GRIA1: variants seen among roughly 807,000 people sequenced by gnomAD.
GRIA1 encodes glutamate receptor 1.
In GRIA1, 31 loss-of-function variants were observed where a neutral mutation model predicts 99.2. That is an observed-to-expected ratio of 0.31 (90% confidence interval 0.23 to 0.42). GRIA1 has a LOEUF of 0.42. GRIA1 is among the 10% of genes least tolerant of loss of function. The probability of loss-of-function intolerance (pLI) is 1.00; values close to 1 mark genes in which losing one functional copy is unlikely to be tolerated. For synonymous variants in GRIA1, 438 were observed against 432.4 expected, an observed-to-expected ratio of 1.01 and a Z score of -0.16; for missense variants, 782 against 1,157.5, an observed-to-expected ratio of 0.68 and a Z score of 4.71.
chr5:153,675,020 C>T (rs1348054795), intron 6 of GRIA1, among the ~76,000 whole-genome samples: 1 of 152,148 alleles, frequency 6.6e-6, no homozygotes, highest in South Asian at 2.1e-4. Flanking sequence ...GCTTAAACTA[C>T]AGCCATTGCC....
At chr5:153,672,981 A>AT (rs1029279814) in intron 5 of GRIA1, among the ~76,000 whole-genome samples, 2 of 151,922 alleles carry the variant, frequency 1.3e-5, no homozygotes, top group African/African-American at 2.4e-5. Context: ...TGTGCATTCC[A>AT]TTTTTTTTCT....
intron 2 of GRIA1, among the ~76,000 whole-genome samples, chr5:153,523,363 C>T (rs1202678702): frequency 6.6e-6 from 1 of 152,060 alleles, no homozygotes; most frequent in Non-Finnish European, 1.5e-5. Flanking sequence ...ATTTTATATC[C>T]CTCATTATGC....
chr5:153,554,388 G>A (rs891853054), intron 2 of GRIA1, among the ~76,000 whole-genome samples: 3 of 152,110 alleles, frequency 2.0e-5, no homozygotes, highest in Non-Finnish European at 4.4e-5. Context: ...TATGTGTATC[G>A]GAATCCCTTG....
At chr5:153,804,085 G>T (rs555368532) in intron 15 of GRIA1, among the ~76,000 whole-genome samples, 1 of 151,910 alleles carries the variant, frequency 6.6e-6, no homozygotes, top group African/African-American at 2.4e-5. Context: ...TTTATGGGCC[G>T]ATCCCTCACC....
intron 2 of GRIA1, among the ~76,000 whole-genome samples, chr5:153,576,974 ATGGATGGATGGG>A (rs1186177525): frequency 5.8e-5 from 7 of 119,878 alleles, no homozygotes; most frequent in African/African-American, 1.6e-4. Context: ...GGATGGATGG[ATGGATGGATGGG>A]TGAGTGGATG....
intron 4 of GRIA1, among the ~76,000 whole-genome samples, chr5:153,655,268 A>C (rs1466067061): frequency 6.6e-6 from 1 of 152,192 alleles, no homozygotes; most frequent in Non-Finnish European, 1.5e-5. Context: ...GAAGGCACAA[A>C]ATTCAGAAAA....
Position 153,674,599 on chromosome 5 carries a change from A to T in GRIA1, c.799A>T (p.Met267Leu). Residue 267 changes from methionine (M) to leucine (L), a missense_variant, in exon 6 of 16, where the codon ATG (methionine) becomes TTG (leucine). Physicochemically the swap from Met to Leu is conservative, Grantham distance 15 (BLOSUM62 2). This residue lies in a region of GRIA1 where 461 missense variants were observed against 521.7 expected (regional missense o/e 0.88). Coordinates refer to ENST00000285900, the MANE Select transcript of GRIA1 (RefSeq NM_000827.4). ...NYTDTIPAKI[M>L]QQWKNSDARD... ...CACAGACACTATTCCGGCCAAGATCATGCAGCAGTGGAAGAATAGTGATGC... is the reference window on the plus strand; with the variant it reads ...CACAGACACTATTCCGGCCAAGATCTTGCAGCAGTGGAAGAATAGTGATGC... 6.2e-7 allele frequency: 1 copy of T among 1,614,138 alleles called. No individual in the cohort carries two copies. The highest frequency in any genetic ancestry group is 8.5e-7 in the Non-Finnish European group (1 of 1,179,990).
intron 13 of GRIA1, among the ~76,000 whole-genome samples, chr5:153,786,366 C>T (rs1484692350): frequency 1.3e-5 from 2 of 152,092 alleles, no homozygotes; most frequent in Non-Finnish European, 2.9e-5. Flanking sequence ...GGTTTTCTAA[C>T]TTCCACCCAC....
intron 2 of GRIA1, among the ~76,000 whole-genome samples, chr5:153,608,810 G>A (rs146844948): frequency 3.6e-4 from 55 of 151,702 alleles, no homozygotes; most frequent in Non-Finnish European, 5.0e-4. Context: ...TTTTTACTGC[G>A]TTCTGGACAT....
Position 153,705,841 on chromosome 5 carries a change from G to A in GRIA1, c.1597G>A (p.Asp533Asn), listed in dbSNP as rs1297199973. The A allele has an allele frequency of 1.2e-6, 2 of 1,613,824 alleles. No homozygotes were observed. Among genetic ancestry groups the A allele is most frequent in the Non-Finnish European group, 1.7e-6 (2 of 1,179,962 alleles). Reference protein sequence around the residue: ...KSKPGVFSFLDPLAYEIWMCI... With the variant: ...KSKPGVFSFLNPLAYEIWMCI... ...CAAGCCGGGTGTCTTCTCCTTCCTT[G>A]ATCCTTTGGCTTATGAGATTTGGAT... Residue 533 changes from aspartate (D) to asparagine (N), a missense_variant, in exon 11 of 16, where the codon GAT becomes AAT. Around this residue, in one of 5 missense-constraint regions of GRIA1, gnomAD observed 87 missense variants for 184.5 expected, o/e 0.47. Transcript: ENST00000285900.
At chr5:153,516,510 A>C (rs1756643391) in intron 2 of GRIA1, among the ~76,000 whole-genome samples, 1 of 152,056 alleles carries the variant, frequency 6.6e-6, no homozygotes, top group Admixed American at 6.5e-5. Context: ...AACACCACAC[A>C]GCATTCTAAT....
intron 10 of GRIA1, among the ~76,000 whole-genome samples, chr5:153,703,381 TA>T (rs1157639476): frequency 6.6e-6 from 1 of 152,234 alleles, no homozygotes; most frequent in Non-Finnish European, 1.5e-5. Flanking sequence ...TTCATGTTAT[TA>T]ACCATCCTTC....
In GRIA1 at chr5:153,606,486, G is replaced by A. The variant is rs147403550; in HGVS notation, c.221-40442G>A. ...TATAATTTAATTACAATCAGTTTGGGAGAGTTGATATCTTTACAATATTGA... is the reference window on the plus strand; with the variant it reads ...TATAATTTAATTACAATCAGTTTGGAAGAGTTGATATCTTTACAATATTGA... On this transcript the variant is annotated intron_variant, in intron 2 of 15. Transcript: ENST00000285900. 9.4e-3 allele frequency among the ~76,000 whole-genome samples: 1,426 copies of A among 152,126 alleles called. 21 individuals are homozygous for A. The highest frequency in any genetic ancestry group is 0.033 in the African/African-American group (1,356 of 41,532).
intron 14 of GRIA1, chr5:153,795,373 A>G: frequency 1.5e-6 from 1 of 685,394 alleles, no homozygotes; most frequent in Non-Finnish European, 2.6e-6. Flanking sequence ...TTGTCAGTGC[A>G]TATGATCTTG....
At chr5:153,638,391 G>A (rs1753543223) in intron 2 of GRIA1, among the ~76,000 whole-genome samples, 1 of 152,186 alleles carries the variant, frequency 6.6e-6, no homozygotes, top group South Asian at 2.1e-4. Flanking sequence ...TCTAATTTAT[G>A]AAATACTGCA....
At chr5:153,524,790 T>C (rs1757456442) in intron 2 of GRIA1, among the ~76,000 whole-genome samples, 1 of 152,170 alleles carries the variant, frequency 6.6e-6, no homozygotes, top group Non-Finnish European at 1.5e-5. Context: ...TGTTGATGCA[T>C]TGAAAAATAC....
At chr5:153,786,317 G>A (rs746697215) in intron 13 of GRIA1, among the ~76,000 whole-genome samples, 3 of 151,714 alleles carry the variant, frequency 2.0e-5, no homozygotes, top group Non-Finnish European at 4.4e-5. Context: ...TACACTCCTC[G>A]GGTGGGGACT....
intron 2 of GRIA1, among the ~76,000 whole-genome samples, chr5:153,630,005 G>A (rs1752820449): frequency 6.6e-6 from 1 of 152,116 alleles, no homozygotes; most frequent in Non-Finnish European, 1.5e-5. Context: ...AAGTGATAAG[G>A]ACTCATGTGG....
At chr5:153,502,322 A>G (rs1489314006) in intron 2 of GRIA1, among the ~76,000 whole-genome samples, 1 of 152,240 alleles carries the variant, frequency 6.6e-6, no homozygotes, top group African/African-American at 2.4e-5. Context: ...GAATGAAAGA[A>G]TAGATGGCAG....
Sources: allele counts gnomAD v4.1 joint callset (sites outside exome capture counted in the v4.1 genomes callset), GRCh38; gene constraint gnomAD v4.1.1; regional missense constraint gnomAD v4.1.1; transcripts MANE v1.5; gene names NCBI Gene and HGNC (gene_info 2026-07-23, HGNC 2026-07-21).